CPED1: variants seen among roughly 807,000 people sequenced by gnomAD.
CPED1 encodes cadherin like and PC-esterase domain containing 1, also known as cadherin-like and PC-esterase domain-containing protein 1.
In CPED1, 114 loss-of-function variants were observed where a neutral mutation model predicts 128.2. That is an observed-to-expected ratio of 0.89 (90% CI 0.76 to 1.04). The LOEUF (loss-of-function observed/expected upper bound fraction) is 1.04, where lower values mean the gene tolerates loss of function less well. Ranked by LOEUF, CPED1 falls within the 50% of genes least tolerant of loss-of-function variation. CPED1 has a pLI of 0.00. For synonymous variants in CPED1, 462 were observed against 426.7 expected (o/e 1.08, Z -1.02); for missense variants, 1,211 against 1,207.1 (o/e 1.00, Z -0.05).
In CPED1 at chr7:121,141,994, C is replaced by T. The variant is rs779904060; in HGVS notation, c.1908C>T (p.Gly636=). The T allele has an allele frequency of 1.2e-6, 2 of 1,612,350 alleles. No individual in the cohort carries two copies. Among genetic ancestry groups the T allele is most frequent in the Admixed American group, 1.7e-5 (1 of 59,848 alleles). Residue 636 remains glycine (G), a synonymous_variant, in exon 16 of 23, where the codon GGC becomes GGT. Coordinates refer to ENST00000310396, the MANE Select transcript of CPED1 (RefSeq NM_024913.5). ...AGPSFASYPL[G]LGMNKISIFV... ...CCAGCTTTGCCAGCTACCCTCTGGG[C>T]TTAGGAATGAACAAAATCTCAATAT...
At chr7:121,097,611 G>A (rs2116212931) in intron 5 of CPED1, 88 bp from the exon 6 acceptor site, 1 of 1,428,784 alleles carries the variant, frequency 7.0e-7, no homozygotes, top group Non-Finnish European at 9.6e-7. Flanking sequence ...CATGTACCCT[G>A]CAGTTTAATA....
intron 6 of CPED1, among the ~76,000 whole-genome samples, chr7:121,099,520 A>C (rs1466726256): frequency 6.6e-6 from 1 of 152,120 alleles, no homozygotes; most frequent in East Asian, 1.9e-4. Flanking sequence ...GGCCCATGCC[A>C]CCATGCCCAG....
rs1792838704 is a variant in CPED1 at position 121,297,151 on chromosome 7, C to T, written c.*1499C>T. ...TTTTAGAAGAATGATACAGAATTAA[C>T]TTTAAAAATAAAACTTTTCTAATAT... On this transcript the variant is annotated 3_prime_UTR_variant, in exon 23 of 23. Transcript: ENST00000310396. 6.6e-6 allele frequency: 1 copy of T among 151,840 alleles called. No individual in the cohort carries two copies. The highest frequency in any genetic ancestry group is 1.5e-5 in the Non-Finnish European group (1 of 67,920). 9.4% of individuals were successfully genotyped at this position (151,840 alleles called of 1,614,324 possible).
At chr7:121,085,854 G>A (rs1157079608) in intron 5 of CPED1, among the ~76,000 whole-genome samples, 1 of 152,144 alleles carries the variant, frequency 6.6e-6, no homozygotes, top group Non-Finnish European at 1.5e-5. Context: ...GGGTTGTCAT[G>A]GTGTGTTTAG....
intron 22 of CPED1, among the ~76,000 whole-genome samples, chr7:121,281,872 T>C (rs560848125): frequency 5.4e-4 from 82 of 152,312 alleles, no homozygotes; most frequent in African/African-American, 1.9e-3. Flanking sequence ...AAACAGATTG[T>C]CATGCAGCAT....
chr7:121,024,917 C>CA (rs1792536958), intron 3 of CPED1, among the ~76,000 whole-genome samples: 1 of 152,150 alleles, frequency 6.6e-6, no homozygotes. Flanking sequence ...ACTCCAGGTA[C>CA]AGGGTGTTTG....
Position 121,140,911 on chromosome 7 carries a change from A to AT in CPED1, c.1786dup (p.Tyr596LeufsTer4). The AT allele has an allele frequency of 4.3e-6, 7 of 1,612,414 alleles. No individual in the cohort carries two copies. Among genetic ancestry groups the AT allele is most frequent in the Non-Finnish European group, 5.9e-6 (7 of 1,178,944 alleles). Reference sequence around the variant, plus strand: ...CCTGACTTTCATCCAAAGATCAAAGATTATTACTGTGAAGTCCCATTTGAT... The same window carrying AT: ...CCTGACTTTCATCCAAAGATCAAAGATTTATTACTGTGAAGTCCCATTTGAT... On this transcript the variant is annotated frameshift_variant, in exon 15 of 23. Transcript: ENST00000310396. LOFTEE classifies it high-confidence loss of function.
At chr7:120,996,636 T>A (rs1030835356) in intron 2 of CPED1, among the ~76,000 whole-genome samples, 1 of 152,216 alleles carries the variant, frequency 6.6e-6, no homozygotes, top group Admixed American at 6.5e-5. Flanking sequence ...TTTATTATAC[T>A]ATTATAATTT....
chr7:121,015,124 T>C (rs755292909), intron 2 of CPED1, among the ~76,000 whole-genome samples: 1 of 152,182 alleles, frequency 6.6e-6, no homozygotes, highest in East Asian at 1.9e-4. Context: ...CCATTCTACC[T>C]CACTGAGATG....
chr7:121,116,087 C>G (rs960083164), intron 7 of CPED1, among the ~76,000 whole-genome samples: 10 of 152,270 alleles, frequency 6.6e-5, no homozygotes, highest in African/African-American at 2.4e-4. Context: ...CTGTACTCTG[C>G]TTCTGAACAA....
chr7:121,015,665 G>C lies in CPED1; in HGVS notation c.250G>C (p.Val84Leu). The change falls in exon 3 of 23, where the codon GTC becomes CTC. Residue 84 changes from valine (V) to leucine (L), a missense_variant and splice_region_variant. Val to Leu is a conservative substitution (Grantham distance 32). Transcript: ENST00000310396. ...LSGNAQETRK[V>L]KESMETHFGS... ...GAATTTTTATGCCTTCTTTTCTTAGGTCAAAGAATCAATGGAGACACACTT... is the reference window on the plus strand; with the variant it reads ...GAATTTTTATGCCTTCTTTTCTTAGCTCAAAGAATCAATGGAGACACACTT... The C allele has an allele frequency of 1.3e-6, 2 of 1,593,160 alleles. No homozygotes were observed. The highest frequency in any genetic ancestry group is 1.7e-6 in the Non-Finnish European group (2 of 1,172,802).
At chr7:121,093,292 T>TA (rs1451812564) in intron 5 of CPED1, among the ~76,000 whole-genome samples, 5 of 152,092 alleles carry the variant, frequency 3.3e-5, no homozygotes, top group African/African-American at 4.8e-5. Flanking sequence ...AATTTTTTTT[T>TA]ACCTAACAAA....
intron 2 of CPED1, among the ~76,000 whole-genome samples, chr7:121,013,990 C>A (rs1018290317): frequency 6.6e-6 from 1 of 152,056 alleles, no homozygotes; most frequent in Non-Finnish European, 1.5e-5. Context: ...GGCTGATATG[C>A]GAAAAATGTA....
intron 4 of CPED1, among the ~76,000 whole-genome samples, chr7:121,055,455 A>G (rs1441171812): frequency 6.6e-6 from 1 of 151,894 alleles, no homozygotes; most frequent in African/African-American, 2.4e-5. Context: ...TCAAGCTTTT[A>G]TCTGATTGTG....
intron 7 of CPED1, among the ~76,000 whole-genome samples, chr7:121,120,903 A>G (rs1172101654): frequency 2.0e-5 from 3 of 149,942 alleles, no homozygotes; most frequent in African/African-American, 7.4e-5. Flanking sequence ...AACAGTATTT[A>G]CTGAATACCT....
At chr7:121,029,826 T>A (rs1181934349) in intron 3 of CPED1, among the ~76,000 whole-genome samples, 2 of 152,220 alleles carry the variant, frequency 1.3e-5, no homozygotes, top group Non-Finnish European at 2.9e-5. Context: ...CTCTGTCTTA[T>A]ATCAGACATT....
chr7:121,240,239 CT>C (rs1383853840), intron 17 of CPED1, among the ~76,000 whole-genome samples: 1 of 152,184 alleles, frequency 6.6e-6, no homozygotes, highest in Admixed American at 6.6e-5. Flanking sequence ...CAATTAGCCA[CT>C]TGTTTCTTCA....
At chr7:121,028,289 T>A (rs1309015372) in intron 3 of CPED1, among the ~76,000 whole-genome samples, 11 of 152,202 alleles carry the variant, frequency 7.2e-5, no homozygotes, top group Non-Finnish European at 1.5e-4. Context: ...CTGTGCTAGT[T>A]ACTTTTTTAT....
At chr7:121,285,716 T>A (rs1413019870) in intron 22 of CPED1, among the ~76,000 whole-genome samples, 3 of 152,210 alleles carry the variant, frequency 2.0e-5, no homozygotes, top group Non-Finnish European at 4.4e-5. Flanking sequence ...TCCATGTCAC[T>A]GTCAGCATTT....
Sources: gnomAD v4.1 joint callset for allele counts (sites outside exome capture counted in the v4.1 genomes callset) on GRCh38, gnomAD v4.1.1 for gene constraint, MANE v1.5 for transcripts, NCBI Gene and HGNC (gene_info 2026-07-23, HGNC 2026-07-21) for gene names.